Variants in FAM13B observed in about 807,000 individuals in gnomAD.
FAM13B encodes protein FAM13B.
A neutral mutation model predicts 117.3 loss-of-function variants in FAM13B; 60 were observed. That is an observed-to-expected ratio of 0.51 (90% CI 0.42 to 0.63). The LOEUF (loss-of-function observed/expected upper bound fraction) is 0.63. Ranked by LOEUF, FAM13B falls within the 30% of genes least tolerant of loss-of-function variation. The pLI is 0.00. For missense variants in FAM13B, 972 were observed against 1,091.9 expected (o/e 0.89, Z 1.55); for synonymous variants, 332 against 356.1 (o/e 0.93, Z 0.76).
intron 1 of FAM13B, among the ~76,000 whole-genome samples, chr5:138,032,506 G>A (rs927963412): frequency 2.0e-5 from 3 of 152,214 alleles, no homozygotes; most frequent in Non-Finnish European, 4.4e-5. Flanking sequence ...CTGGAGGTGA[G>A]GGGCACGCCC....
intron 10 of FAM13B, among the ~76,000 whole-genome samples, chr5:137,980,913 GT>G (rs1009779788): frequency 1.5e-4 from 21 of 143,262 alleles, no homozygotes; most frequent in East Asian, 4.1e-4. Flanking sequence ...CCCTCATAAA[GT>G]TTTTTTTTTT....
intron 10 of FAM13B, among the ~76,000 whole-genome samples, chr5:137,975,445 A>C (rs1339573968): frequency 6.6e-6 from 1 of 152,180 alleles, no homozygotes; most frequent in Non-Finnish European, 1.5e-5. Context: ...GTACCTTCCT[A>C]GTTGGCTCAC....
chr5:137,966,482 T>TAGAG (rs1244957354), intron 10 of FAM13B, among the ~76,000 whole-genome samples: 193 of 53,778 alleles, frequency 3.6e-3, no homozygotes, highest in Middle Eastern at 9.8e-3. Flanking sequence ...TATATATATA[T>TAGAG]ATATATAGAG....
At position 138,011,134 on chromosome 5, in the gene FAM13B, C is replaced by G. The variant is rs752219920; in HGVS notation, c.564G>C (p.Val188=). ...GPDVFHIYTD[V]EDMKEQEIVS... is the part of the protein sequence containing the mutation. ...CTATTTCTTGCTCTTTCATGTCTTC[C>G]ACATCTGTGTAAATGCTAAGAATAG... The change falls in exon 6 of 24, where the codon GTG becomes GTC. Residue 188 remains valine (V), a synonymous_variant. Coordinates refer to ENST00000689681, the MANE Select transcript of FAM13B (RefSeq NM_001385994.1). The G allele has an allele frequency of 1.2e-6, 2 of 1,606,074 alleles. No individual in the cohort carries two copies. Among genetic ancestry groups the G allele is most frequent in the South Asian group, 2.2e-5 (2 of 88,904 alleles).
intron 7 of FAM13B, among the ~76,000 whole-genome samples, chr5:138,005,411 A>G (rs1782290387): frequency 6.6e-6 from 1 of 151,772 alleles, no homozygotes; most frequent in Non-Finnish European, 1.5e-5. Flanking sequence ...CAATTCCAGT[A>G]AATGTATCCA....
At chr5:138,049,597 A>G (rs1202815189) in intron 1 of FAM13B, among the ~76,000 whole-genome samples, 3 of 152,160 alleles carry the variant, frequency 2.0e-5, no homozygotes, top group Non-Finnish European at 4.4e-5. Context: ...TCTTAACTCC[A>G]TGAAACCTCT....
intron 4 of FAM13B, among the ~76,000 whole-genome samples, chr5:138,017,123 A>C (rs896655970): frequency 2.6e-5 from 4 of 152,226 alleles, no homozygotes; most frequent in South Asian, 4.1e-4. Context: ...TTTTTGATCC[A>C]GATTATAGAG....
In FAM13B at chr5:137,949,428, A is replaced by G. The variant is rs557769886; in HGVS notation, c.1931-244T>C. 3.9e-5 allele frequency among the ~76,000 whole-genome samples: 6 copies of G among 152,306 alleles called. No homozygotes were observed. In the South Asian group the frequency reaches 1.2e-3, roughly 32 times the overall value. ...TGAAGCAGAAGGACTGCTTGAGCCC[A>G]GGAGTTTGAGACTAGCCTGGACAAC... is the stretch of plus-strand genomic sequence containing the variant. On this transcript the variant is annotated intron_variant, in intron 17 of 23. Coordinates refer to ENST00000689681, the MANE Select transcript of FAM13B (RefSeq NM_001385994.1).
At chr5:137,996,302 A>AT (rs929256097) in intron 7 of FAM13B, among the ~76,000 whole-genome samples, 32 of 148,966 alleles carry the variant, frequency 2.1e-4, no homozygotes, top group East Asian at 1.6e-3. Context: ...CGCCTGGCTA[A>AT]TTTTTTTTTT....
chr5:137,946,307 AT>A lies in FAM13B; in HGVS notation c.2164del (p.Met722Ter). 1 of 1,534,954 alleles carries A rather than the reference AT, an allele frequency of 6.5e-7. No homozygotes were observed. Among genetic ancestry groups the A allele is most frequent in the Non-Finnish European group, 8.7e-7 (1 of 1,142,892 alleles). On this transcript the variant is annotated frameshift_variant, in exon 19 of 24. Coordinates refer to ENST00000689681, the MANE Select transcript of FAM13B (RefSeq NM_001385994.1). LOFTEE classifies it high-confidence loss of function. ...ERCLPEDIKK[M>X]TKDHLVEEKA... The stretch of plus-strand genomic sequence containing the variant: ...CTCTTCTACCAAATGATCTTTGGTC[AT>A]TTTCTGGAATTAAACAAAAAAAATA...
chr5:138,036,074 G>T, upstream of FAM13B: 1 of 287,000 alleles, frequency 3.5e-6, no homozygotes, highest in Non-Finnish European at 6.9e-6. Flanking sequence ...TCTCACACTC[G>T]TCCATTTGCA....
chr5:138,031,060 T>C (rs1456276665), intron 1 of FAM13B, among the ~76,000 whole-genome samples: 2 of 151,874 alleles, frequency 1.3e-5, no homozygotes, highest in Non-Finnish European at 2.9e-5. Context: ...TAATTTACAC[T>C]ATTATAGTCC....
intron 5 of FAM13B, 91 bp downstream of exon 5, chr5:138,011,677 C>T (rs1784058196): frequency 6.8e-6 from 6 of 879,248 alleles, no homozygotes; most frequent in Non-Finnish European, 1.0e-5. Context: ...ATCAGCCTCC[C>T]AAAGTGCTGG....
intron 18 of FAM13B, 46 bp downstream of exon 18, chr5:137,948,909 G>A: frequency 6.9e-7 from 1 of 1,458,434 alleles, no homozygotes; most frequent in Admixed American, 1.7e-5. Context: ...TTTTGTTTCA[G>A]GAATTCTAAA....
At position 138,011,140 on chromosome 5, in the gene FAM13B, T is replaced by C. The variant is rs372132463; in HGVS notation, c.558A>G (p.Thr186=). Residue 186 remains threonine, a synonymous_variant, in exon 6 of 24, where the codon ACA becomes ACG. Coordinates refer to ENST00000689681, the MANE Select transcript of FAM13B (RefSeq NM_001385994.1). ...CTTGCTCTTTCATGTCTTCCACATCTGTGTAAATGCTAAGAATAGAAGTCC... is the reference window on the plus strand; with the variant it reads ...CTTGCTCTTTCATGTCTTCCACATCCGTGTAAATGCTAAGAATAGAAGTCC... ...VFGPDVFHIY[T]DVEDMKEQEI... The C allele has an allele frequency of 1.2e-6, 2 of 1,604,810 alleles. No homozygotes were observed. Among genetic ancestry groups the C allele is most frequent in the Non-Finnish European group, 1.7e-6 (2 of 1,178,126 alleles).
intron 10 of FAM13B, 99 bp downstream of exon 10, chr5:137,985,158 A>G (rs1406390334): frequency 1.7e-6 from 2 of 1,151,066 alleles, no homozygotes; most frequent in East Asian, 2.4e-5. Flanking sequence ...GAGACAATTA[A>G]GTGTATCAGC....
At chr5:138,024,831 AGAGAAAG>A (rs1787820127) in intron 1 of FAM13B, among the ~76,000 whole-genome samples, 29 of 149,506 alleles carry the variant, frequency 1.9e-4, no homozygotes, top group African/African-American at 6.4e-4. Flanking sequence ...AGAGAGAGAG[AGAGAAAG>A]AGAGAGAGAG....
intron 7 of FAM13B, among the ~76,000 whole-genome samples, chr5:138,005,245 A>T (rs1323050271): frequency 6.6e-6 from 1 of 152,194 alleles, no homozygotes; most frequent in African/African-American, 2.4e-5. Flanking sequence ...CTCAAAAAAT[A>T]GTAATAAATT....
intron 10 of FAM13B, among the ~76,000 whole-genome samples, chr5:137,973,417 TG>T (rs1772913902): frequency 6.6e-6 from 1 of 152,056 alleles, no homozygotes; most frequent in African/African-American, 2.4e-5. Context: ...TGTAGAAAGC[TG>T]AAACTGGATC....
Sources: gnomAD v4.1 joint callset for allele counts (sites outside exome capture counted in the v4.1 genomes callset) on GRCh38, gnomAD v4.1.1 for gene constraint, MANE v1.5 for transcripts, NCBI Gene and HGNC (gene_info 2026-07-23, HGNC 2026-07-21) for gene names.